CNBD1: variants seen among roughly 807,000 people sequenced by gnomAD.
CNBD1 encodes the protein cyclic nucleotide binding domain containing 1.
CNBD1 carries 71 observed loss-of-function variants against 54.4 expected under a neutral mutation model. The observed-to-expected ratio is 1.30, with a 90% CI of 1.08 to 1.59. The LOEUF (loss-of-function observed/expected upper bound fraction) is 1.59. CNBD1 is among the 40% of genes most tolerant of loss of function. The pLI is 0.00. For missense variants in CNBD1, 659 were observed against 518.0 expected, an observed-to-expected ratio of 1.27 and a Z score of -2.64; for synonymous variants, 182 against 170.7, an observed-to-expected ratio of 1.07 and a Z score of -0.51.
At chr8:87,099,342 C>T (rs1811384352) in intron 4 of CNBD1, among the ~76,000 whole-genome samples, 1 of 152,000 alleles carries the variant, frequency 6.6e-6, no homozygotes. Context: ...TAAACTTTTA[C>T]TGTAAGTGAA....
chr8:87,050,680 G>A (rs1242060584), intron 4 of CNBD1, among the ~76,000 whole-genome samples: 1 of 152,196 alleles, frequency 6.6e-6, no homozygotes, highest in African/African-American at 2.4e-5. Flanking sequence ...AGATCCCTCA[G>A]ATACTTGGGT....
At chr8:87,402,541 C>G (rs575861982) in intron 2 of CNBD1, among the ~76,000 whole-genome samples, 2 of 152,024 alleles carry the variant, frequency 1.3e-5, no homozygotes, top group African/African-American at 4.8e-5. Flanking sequence ...ACATAAGGAC[C>G]GAGCATGAGC....
chr8:87,417,981 AATTG>A (rs1182396371), intron 2 of CNBD1, among the ~76,000 whole-genome samples: 1 of 152,006 alleles, frequency 6.6e-6, no homozygotes, highest in Non-Finnish European at 1.5e-5. Flanking sequence ...AAATTCTCTT[AATTG>A]ATCTACAGAT....
intron 4 of CNBD1, among the ~76,000 whole-genome samples, chr8:87,046,235 C>T (rs1189432174): frequency 1.3e-5 from 2 of 151,990 alleles, no homozygotes; most frequent in Non-Finnish European, 2.9e-5. Flanking sequence ...ACTGATCTCT[C>T]AAAAAGAGAA....
intron 6 of CNBD1, among the ~76,000 whole-genome samples, chr8:87,273,381 G>A (rs1585974332): frequency 7.4e-6 from 1 of 134,330 alleles, no homozygotes; most frequent in African/African-American, 3.0e-5. Context: ...TTACGATTAA[G>A]TAAGAAGCCC....
At chr8:87,175,151 C>T (rs1813171511) in intron 4 of CNBD1, among the ~76,000 whole-genome samples, 1 of 152,180 alleles carries the variant, frequency 6.6e-6, no homozygotes, top group Admixed American at 6.5e-5. Context: ...GTTTCCTTCG[C>T]TTCAGGGTGT....
chr8:87,255,331 A>T lies in CNBD1; in HGVS notation c.771+18219A>T, dbSNP rs183492852. Among the ~76,000 whole-genome samples the T allele has an allele frequency of 3.2e-3, 490 of 152,230 alleles. 2 individuals carry two copies. The highest frequency in any genetic ancestry group is 0.011 in the African/African-American group (470 of 41,548). On this transcript the variant is annotated intron_variant, in intron 6 of 10. Transcript: ENST00000518476. ...TCCAGTAAATAAACTCTCTGCATGT[A>T]AAAAAATGTACTGAGTAGTTATAAT... is the stretch of plus-strand genomic sequence containing the variant.
rs1051957317 is a variant in CNBD1, at chr8:87,076,644, G to A, written c.432-129349G>A. ...TTTTTAGTAGAGATGGGGTTTCATCGTGTTAGCCAGGATAGTCTCGATCTC... is the reference window on the plus strand; with the variant it reads ...TTTTTAGTAGAGATGGGGTTTCATCATGTTAGCCAGGATAGTCTCGATCTC... On this transcript the variant is annotated intron_variant, in intron 4 of 10. Transcript: ENST00000518476. Among the ~76,000 whole-genome samples the A allele has an allele frequency of 8.5e-5, 13 of 152,050 alleles. No homozygotes were observed. The South Asian group carries it at 1.9e-3, about 22-fold the overall frequency.
chr8:86,921,052 T>TA (rs1037373280), intron 3 of CNBD1, among the ~76,000 whole-genome samples: 5 of 151,972 alleles, frequency 3.3e-5, no homozygotes, highest in East Asian at 3.9e-4. Context: ...CTGATAGACT[T>TA]AAAAAAAATC....
chr8:87,058,612 C>T (rs1810475856), intron 4 of CNBD1, among the ~76,000 whole-genome samples: 1 of 152,210 alleles, frequency 6.6e-6, no homozygotes, highest in Admixed American at 6.5e-5. Context: ...ATGAATTCTT[C>T]TAAGGCTGGG....
intron 6 of CNBD1, among the ~76,000 whole-genome samples, chr8:87,264,530 G>A (rs1007049852): frequency 6.6e-6 from 1 of 152,060 alleles, no homozygotes; most frequent in African/African-American, 2.4e-5. Flanking sequence ...GGGATGGCTG[G>A]GTCAAATAGT....
At chr8:87,320,629 G>GC (rs376559859) in intron 8 of CNBD1, among the ~76,000 whole-genome samples, 3 of 144,526 alleles carry the variant, frequency 2.1e-5, no homozygotes, top group African/African-American at 7.8e-5. Flanking sequence ...TGGGGGGGCG[G>GC]CTCAGGGTAC....
intron 2 of CNBD1, among the ~76,000 whole-genome samples, chr8:86,899,190 T>G (rs1417354656): frequency 6.6e-6 from 1 of 152,044 alleles, no homozygotes; most frequent in Non-Finnish European, 1.5e-5. Context: ...AATGGGGAGA[T>G]GTAGGTCAGA....
At chr8:87,304,333 G>C (rs1022846921) in intron 8 of CNBD1, among the ~76,000 whole-genome samples, 1 of 152,122 alleles carries the variant, frequency 6.6e-6, no homozygotes, top group Non-Finnish European at 1.5e-5. Context: ...CATGTCCTTT[G>C]TAGAGACATG....
At chr8:87,301,476 C>A (rs1235552016) in intron 8 of CNBD1, among the ~76,000 whole-genome samples, 2 of 151,958 alleles carry the variant, frequency 1.3e-5, no homozygotes, top group East Asian at 1.9e-4. Context: ...AATCCAACAA[C>A]ATATCAAAAA....
chr8:87,223,704 G>A (rs1385667034), intron 5 of CNBD1, among the ~76,000 whole-genome samples: 17 of 151,952 alleles, frequency 1.1e-4, no homozygotes, highest in African/African-American at 2.2e-4. Flanking sequence ...ATAAACATAC[G>A]TGTGCATGTG....
At chr8:87,110,689 T>C (rs1000674090) in intron 4 of CNBD1, among the ~76,000 whole-genome samples, 66 of 152,400 alleles carry the variant, frequency 4.3e-4, no homozygotes, top group African/African-American at 1.5e-3. Flanking sequence ...CAAAATATCA[T>C]CAACATAATG....
chr8:86,916,271 G>T (rs193239411), intron 3 of CNBD1, among the ~76,000 whole-genome samples: 1 of 152,266 alleles, frequency 6.6e-6, no homozygotes, highest in African/African-American at 2.4e-5. Context: ...GGAATGAAAA[G>T]ACGTAAAGTA....
chr8:87,303,334 A>G (rs1040850898), intron 8 of CNBD1, among the ~76,000 whole-genome samples: 4 of 152,040 alleles, frequency 2.6e-5, no homozygotes, highest in South Asian at 2.1e-4. Flanking sequence ...ATAATGCCGC[A>G]TATCTACAAA....
Sources: gnomAD v4.1 joint callset for allele counts (sites outside exome capture counted in the v4.1 genomes callset) on GRCh38, gnomAD v4.1.1 for gene constraint, MANE v1.5 for transcripts, NCBI Gene and HGNC (gene_info 2026-07-23, HGNC 2026-07-21) for gene names.